Variants in CCSER1 observed in about 807,000 individuals in gnomAD.
CCSER1 encodes the protein serine-rich coiled-coil domain-containing protein 1.
Under a neutral mutation model 82.0 loss-of-function variants are expected in CCSER1, and 41 were observed. That is an observed-to-expected ratio of 0.50 (90% CI 0.39 to 0.65). The LOEUF is 0.65. CCSER1 is among the 30% of genes least tolerant of loss of function. The probability of loss-of-function intolerance (pLI) is 0.00; values close to 1 mark genes in which losing one functional copy is unlikely to be tolerated. For synonymous variants in CCSER1, 414 were observed against 383.9 expected (o/e 1.08, Z -0.92); for missense variants, 1,119 against 1,064.2 (o/e 1.05, Z -0.72).
At chr4:90,821,860 T>C (rs1453212471) in intron 8 of CCSER1, among the ~76,000 whole-genome samples, 1 of 152,136 alleles carries the variant, frequency 6.6e-6, no homozygotes, top group Non-Finnish European at 1.5e-5. Flanking sequence ...CTGTAAATAT[T>C]ATCCTCAGGT....
At chr4:91,216,873 A>G (rs998866378) in intron 10 of CCSER1, among the ~76,000 whole-genome samples, 5 of 152,258 alleles carry the variant, frequency 3.3e-5, no homozygotes, top group Middle Eastern at 3.4e-3. Flanking sequence ...TATTGTTTGG[A>G]ACACAAACAA....
At chr4:90,277,453 C>T (rs527237911) in intron 1 of CCSER1, among the ~76,000 whole-genome samples, 8 of 152,172 alleles carry the variant, frequency 5.3e-5, no homozygotes, top group Admixed American at 5.2e-4. Flanking sequence ...GTAACCAAAA[C>T]AGCATGGTAC....
intron 10 of CCSER1, among the ~76,000 whole-genome samples, chr4:91,140,740 T>C (rs963362362): frequency 5.3e-5 from 8 of 152,214 alleles, no homozygotes; most frequent in Admixed American, 4.6e-4. Flanking sequence ...CCACATGGTA[T>C]TTGAATATAG....
chr4:91,270,081 T>C (rs1268998520), intron 10 of CCSER1, among the ~76,000 whole-genome samples: 1 of 152,234 alleles, frequency 6.6e-6, no homozygotes, highest in Admixed American at 6.5e-5. Context: ...GCTCCAGATG[T>C]AGCTAAGGGT....
At chr4:90,839,292 A>G (rs773060050) in intron 8 of CCSER1, among the ~76,000 whole-genome samples, 3 of 152,234 alleles carry the variant, frequency 2.0e-5, no homozygotes, top group East Asian at 1.9e-4. Context: ...ACACACTTAG[A>G]TAAGTTTATC....
Position 90,437,237 on chromosome 4 carries a change from G to A in CCSER1, c.1604-30997G>A, listed in dbSNP as rs144119274. On this transcript the variant is annotated intron_variant, in intron 4 of 10. Coordinates refer to ENST00000509176, the MANE Select transcript of CCSER1 (RefSeq NM_001145065.2). ...TTTAATTTATAATTAAAACACACACGCACACATGCACACATACGCACACAT... is the reference window on the plus strand; with the variant it reads ...TTTAATTTATAATTAAAACACACACACACACATGCACACATACGCACACAT... Among the ~76,000 whole-genome samples, 4 of 151,860 alleles carry A rather than the reference G, an allele frequency of 2.6e-5. No individual in the cohort carries two copies. In the East Asian group the frequency reaches 5.8e-4, roughly 22 times the overall value.
chr4:90,529,871 GT>G (rs1339336089), intron 5 of CCSER1, among the ~76,000 whole-genome samples: 1 of 151,550 alleles, frequency 6.6e-6, no homozygotes, highest in Non-Finnish European at 1.5e-5. Flanking sequence ...AAGGGAAATG[GT>G]GTTATCCCTC....
intron 10 of CCSER1, among the ~76,000 whole-genome samples, chr4:91,431,698 C>G (rs1354793916): frequency 6.6e-6 from 1 of 152,158 alleles, no homozygotes; most frequent in Non-Finnish European, 1.5e-5. Context: ...AACTCCCGAC[C>G]TCAGGTGATC....
Position 91,599,228 on chromosome 4 carries a change from C to G in CCSER1, c.*171C>G. ...ACAAAGACTTGTGGGTTTTTTTTTT[C>G]CAAGAGTGAAAGTTTGAGCATGTTA... is the stretch of plus-strand genomic sequence containing the variant. On this transcript the variant is annotated 3_prime_UTR_variant, in exon 11 of 11. Coordinates refer to ENST00000509176, the MANE Select transcript of CCSER1 (RefSeq NM_001145065.2). 1 of 753,520 alleles carries G rather than the reference C, an allele frequency of 1.3e-6. No individual in the cohort carries two copies. Among genetic ancestry groups the G allele is most frequent in the South Asian group, 2.8e-5 (1 of 36,084 alleles). The allele number at this position is 753,520 out of a possible 1,614,324, so 46.7% of individuals were successfully genotyped here.
intron 1 of CCSER1, among the ~76,000 whole-genome samples, chr4:90,214,749 A>C (rs952781572): frequency 5.9e-5 from 9 of 152,142 alleles, no homozygotes; most frequent in Admixed American, 1.3e-4. Flanking sequence ...ACAGACTTTA[A>C]AAAAACATTT....
At chr4:91,276,417 G>C (rs535409833) in intron 10 of CCSER1, among the ~76,000 whole-genome samples, 1 of 150,674 alleles carries the variant, frequency 6.6e-6, no homozygotes, top group South Asian at 2.1e-4. Flanking sequence ...TGAAAAATGA[G>C]ATTACCTTCT....
intron 3 of CCSER1, among the ~76,000 whole-genome samples, chr4:90,372,422 GA>G (rs1747593994): frequency 6.6e-6 from 1 of 152,172 alleles, no homozygotes; most frequent in Non-Finnish European, 1.5e-5. Context: ...AGTGATATTG[GA>G]GCATGGTGTG....
chr4:90,772,446 T>C (rs562493772), intron 7 of CCSER1, among the ~76,000 whole-genome samples: 1 of 152,136 alleles, frequency 6.6e-6, no homozygotes, highest in African/African-American at 2.4e-5. Context: ...ACAGATAAAA[T>C]TTCTCACAGA....
intron 5 of CCSER1, among the ~76,000 whole-genome samples, chr4:90,606,694 A>T (rs1200438972): frequency 6.6e-6 from 1 of 152,174 alleles, no homozygotes; most frequent in African/African-American, 2.4e-5. Flanking sequence ...TGCAGGAAAA[A>T]GTGGATAAAA....
chr4:90,304,390 A>T (rs1733807344), intron 1 of CCSER1, among the ~76,000 whole-genome samples: 1 of 152,248 alleles, frequency 6.6e-6, no homozygotes, highest in Non-Finnish European at 1.5e-5. Context: ...AAAGACTTGG[A>T]ACCAACCCAA....
intron 9 of CCSER1, among the ~76,000 whole-genome samples, chr4:91,059,256 G>GTT (rs11288453): frequency 8.4e-6 from 1 of 119,470 alleles, no homozygotes; most frequent in Non-Finnish European, 1.9e-5. Context: ...ATATAATAAA[G>GTT]TTTTTTTTTT....
intron 10 of CCSER1, among the ~76,000 whole-genome samples, chr4:91,494,576 T>C (rs368132071): frequency 2.0e-5 from 3 of 151,956 alleles, no homozygotes; most frequent in African/African-American, 2.4e-5. Context: ...ACAGTTTATT[T>C]GGATAAACAT....
chr4:91,089,831 A>G (rs1349529768), intron 10 of CCSER1, among the ~76,000 whole-genome samples: 2 of 152,188 alleles, frequency 1.3e-5, no homozygotes, highest in Non-Finnish European at 2.9e-5. Context: ...ATCTTTAAAT[A>G]TGTCTTCAAC....
At chr4:91,120,768 G>A (rs1727015347) in intron 10 of CCSER1, among the ~76,000 whole-genome samples, 1 of 151,854 alleles carries the variant, frequency 6.6e-6, no homozygotes, top group East Asian at 1.9e-4. Context: ...CTGGGGCCTG[G>A]GCTATGTTTA....
Sources: gnomAD v4.1 joint callset for allele counts (sites outside exome capture counted in the v4.1 genomes callset) on GRCh38, gnomAD v4.1.1 for gene constraint, MANE v1.5 for transcripts, NCBI Gene and HGNC (gene_info 2026-07-23, HGNC 2026-07-21) for gene names.